MAGI2: variants seen among roughly 807,000 people sequenced by gnomAD.
The protein encoded by MAGI2 is membrane-associated guanylate kinase, WW and PDZ domain-containing protein 2.
MAGI2 carries 35 observed loss-of-function variants against 133.3 expected under a neutral mutation model. The ratio of observed to expected loss-of-function variants is 0.26; its 90% CI spans 0.20 to 0.35. The LOEUF is 0.35. Ranked by LOEUF, MAGI2 falls within the 10% of genes least tolerant of loss-of-function variation. The pLI is 1.00. For missense variants in MAGI2, 1,636 were observed against 1,863.4 expected, an observed-to-expected ratio of 0.88 and a Z score of 2.25; for synonymous variants, 729 against 710.6, an observed-to-expected ratio of 1.03 and a Z score of -0.41.
intron 1 of MAGI2, among the ~76,000 whole-genome samples, chr7:79,424,699 T>C (rs1316037498): frequency 1.3e-5 from 2 of 152,054 alleles, no homozygotes; most frequent in African/African-American, 4.8e-5. Flanking sequence ...AAAAAATAAG[T>C]TTCAAAAAAA....
chr7:78,277,517 T>A (rs773834628), intron 9 of MAGI2, among the ~76,000 whole-genome samples: 5 of 152,180 alleles, frequency 3.3e-5, no homozygotes, highest in Non-Finnish European at 5.9e-5. Context: ...AGAACAGAGC[T>A]ATCCAAAGGT....
At chr7:78,794,402 A>G (rs1787426126) in intron 2 of MAGI2, among the ~76,000 whole-genome samples, 1 of 152,222 alleles carries the variant, frequency 6.6e-6, no homozygotes, top group Non-Finnish European at 1.5e-5. Flanking sequence ...TTTACCATTC[A>G]CAGACTTGTG....
Position 79,171,743 on chromosome 7 carries a change from A to ATATATATATATATATATATATAT in MAGI2, c.302-164538_302-164537insATATATATATATATATATATATA, listed in dbSNP as rs1554394140. Among the ~76,000 whole-genome samples, 13 of 29,580 alleles carry ATATATATATATATATATATATAT rather than the reference A, an allele frequency of 4.4e-4. 6 individuals carry two copies. The highest frequency in any genetic ancestry group is 1.3e-3 in the Non-Finnish European group (10 of 7,934). The allele number at this position is 29,580 out of a possible 152,430, so 19.4% of individuals were successfully genotyped here. ...AAAATTAAGCAAGACAATAGCCAAA[A>ATATATATATATATATATATATAT]ATATATATATATATATATATATATA... On this transcript the variant is annotated intron_variant, in intron 1 of 21. Transcript: ENST00000354212.
chr7:78,236,876 G>A (rs1466768180), intron 10 of MAGI2, among the ~76,000 whole-genome samples: 1 of 152,050 alleles, frequency 6.6e-6, no homozygotes, highest in Non-Finnish European at 1.5e-5. Context: ...TCACAATCAT[G>A]GTGGAAGGAG....
chr7:79,261,642 C>T lies in MAGI2; in HGVS notation c.301+191378G>A, dbSNP rs79014284. On this transcript the variant is annotated intron_variant, in intron 1 of 21. Transcript: ENST00000354212. Reference sequence around the variant, plus strand: ...AACTACATTCATATTCCTCTATTCCCCTCCATTGCTTTATTCCTACCCTTA... The same window carrying T: ...AACTACATTCATATTCCTCTATTCCTCTCCATTGCTTTATTCCTACCCTTA... 2.2e-3 allele frequency among the ~76,000 whole-genome samples: 330 copies of T among 152,260 alleles called. 1 individual carries two copies. Among genetic ancestry groups the T allele is most frequent in the African/African-American group, 7.3e-3 (304 of 41,556 alleles).
chr7:78,789,342 A>T (rs1057272743), intron 2 of MAGI2, among the ~76,000 whole-genome samples: 15 of 152,218 alleles, frequency 9.9e-5, no homozygotes, highest in Admixed American at 2.6e-4. Flanking sequence ...AGCAGAATCC[A>T]TTAAATTCAA....
At chr7:78,499,627 A>C (rs1478551315) in intron 5 of MAGI2, among the ~76,000 whole-genome samples, 1 of 145,840 alleles carries the variant, frequency 6.9e-6, no homozygotes, top group African/African-American at 2.6e-5. Flanking sequence ...AAAAGAGGAA[A>C]GTTTACTTTA....
intron 2 of MAGI2, among the ~76,000 whole-genome samples, chr7:78,884,769 T>C (rs1796137063): frequency 6.6e-6 from 1 of 151,852 alleles, no homozygotes; most frequent in Non-Finnish European, 1.5e-5. Context: ...TGGGGATCTC[T>C]CAAAGAACTA....
intron 6 of MAGI2, among the ~76,000 whole-genome samples, chr7:78,452,990 T>C (rs1490997420): frequency 6.6e-6 from 1 of 152,124 alleles, no homozygotes; most frequent in Non-Finnish European, 1.5e-5. Flanking sequence ...GAAATAATTT[T>C]TGAAATTTTT....
intron 3 of MAGI2, among the ~76,000 whole-genome samples, chr7:78,525,773 T>C (rs1026592902): frequency 6.6e-5 from 10 of 152,212 alleles, no homozygotes; most frequent in Non-Finnish European, 1.3e-4. Context: ...GGATGTAAGA[T>C]GACCACAGTC....
chr7:79,147,399 C>T (rs995381703), intron 1 of MAGI2, among the ~76,000 whole-genome samples: 4 of 152,150 alleles, frequency 2.6e-5, no homozygotes, highest in Non-Finnish European at 5.9e-5. Context: ...ACCCTTGGGC[C>T]GTAGTGGATC....
chr7:78,417,093 G>C (rs1258230450), intron 6 of MAGI2, among the ~76,000 whole-genome samples: 1 of 152,068 alleles, frequency 6.6e-6, no homozygotes, highest in Non-Finnish European at 1.5e-5. Flanking sequence ...ACAAGATCAG[G>C]AAGTATAAAT....
intron 2 of MAGI2, among the ~76,000 whole-genome samples, chr7:78,806,402 ACATCATTAT>A (rs1307487540): frequency 3.3e-5 from 5 of 152,214 alleles, no homozygotes; most frequent in Non-Finnish European, 7.4e-5. Context: ...ATCAGCCATA[ACATCATTAT>A]CATCATTATT....
intron 1 of MAGI2, among the ~76,000 whole-genome samples, chr7:79,347,285 T>A (rs928737809): frequency 1.3e-5 from 2 of 151,988 alleles, no homozygotes; most frequent in Non-Finnish European, 2.9e-5. Context: ...TATATTTAAT[T>A]CTTTATAATT....
chr7:78,434,932 C>T (rs535399789), intron 6 of MAGI2, among the ~76,000 whole-genome samples: 1 of 152,264 alleles, frequency 6.6e-6, no homozygotes, highest in African/African-American at 2.4e-5. Context: ...TTCTATCACT[C>T]ATTCCCTTAG....
At chr7:78,562,762 A>G (rs551139552) in intron 3 of MAGI2, among the ~76,000 whole-genome samples, 130 of 152,288 alleles carry the variant, frequency 8.5e-4, no homozygotes, top group African/African-American at 2.9e-3. Context: ...AGGCAGAGAA[A>G]GATTTGTTTT....
chr7:79,010,627 T>G (rs1283720984), intron 1 of MAGI2, among the ~76,000 whole-genome samples: 1 of 152,158 alleles, frequency 6.6e-6, no homozygotes, highest in East Asian at 1.9e-4. Context: ...GTTCATAGGA[T>G]GCACACATCA....
rs557883214 is a variant in MAGI2 at position 78,330,811 on chromosome 7, C to T, written c.1408+12967G>A. Among the ~76,000 whole-genome samples the T allele has an allele frequency of 7.5e-4, 114 of 152,154 alleles. 1 individual carries two copies. The highest frequency in any genetic ancestry group is 2.7e-3 in the African/African-American group (112 of 41,496). On this transcript the variant is annotated intron_variant, in intron 9 of 21. Coordinates refer to ENST00000354212, the MANE Select transcript of MAGI2 (RefSeq NM_012301.4). ...GCAGGGGCTGGCAAATAAGAATTTC[C>T]AATTCAGCTGAGGGAGGATCAGATA...
chr7:79,220,037 C>T (rs1383253805), intron 1 of MAGI2, among the ~76,000 whole-genome samples: 2 of 151,956 alleles, frequency 1.3e-5, no homozygotes, highest in African/African-American at 2.4e-5. Context: ...CAAAATGTCT[C>T]CCTTAATCTG....
Sources: gnomAD v4.1 joint callset for allele counts (sites outside exome capture counted in the v4.1 genomes callset) on GRCh38, gnomAD v4.1.1 for gene constraint, MANE v1.5 for transcripts, NCBI Gene and HGNC (gene_info 2026-07-23, HGNC 2026-07-21) for gene names.